Variants in CAMTA1 observed in about 807,000 individuals in gnomAD.
The protein encoded by CAMTA1 is calmodulin binding transcription activator 1, also known as calmodulin-binding transcription activator 1.
In CAMTA1, 27 loss-of-function variants were observed where a neutral mutation model predicts 170.9. The observed-to-expected ratio is 0.16, with a 90% CI of 0.12 to 0.22. The LOEUF (loss-of-function observed/expected upper bound fraction) is 0.22. Among genes scored for constraint, CAMTA1 ranks in the 10% least tolerant of loss-of-function variants. The pLI is 1.00. For missense variants in CAMTA1, 1,619 were observed against 2,217.2 expected (o/e 0.73, Z 5.42); for synonymous variants, 833 against 891.5 (o/e 0.93, Z 1.17).
intron 3 of CAMTA1, among the ~76,000 whole-genome samples, chr1:6,935,456 C>A (rs1015191698): frequency 6.6e-6 from 1 of 152,138 alleles, no homozygotes. Context: ...CTGTCTGCTC[C>A]AGTCGCGGGG....
intron 21 of CAMTA1, among the ~76,000 whole-genome samples, chr1:7,752,806 G>A (rs188429013): frequency 1.3e-4 from 20 of 152,246 alleles, no homozygotes; most frequent in Admixed American, 2.6e-4. Flanking sequence ...CAACTTAGTC[G>A]GACTAGCTTT....
intron 3 of CAMTA1, among the ~76,000 whole-genome samples, chr1:6,973,530 T>C (rs886129092): frequency 2.0e-5 from 3 of 152,252 alleles, no homozygotes; most frequent in Non-Finnish European, 2.9e-5. Context: ...CATCTGTTGG[T>C]GGACATTTAG....
At chr1:7,242,979 A>G (rs1017331071) in intron 4 of CAMTA1, among the ~76,000 whole-genome samples, 24 of 152,078 alleles carry the variant, frequency 1.6e-4, no homozygotes, top group African/African-American at 5.1e-4. Flanking sequence ...AAAAAATAAA[A>G]AAAAGAAAGA....
At chr1:7,231,350 T>TGAGAGA (rs1553280259) in intron 4 of CAMTA1, among the ~76,000 whole-genome samples, 35 of 141,188 alleles carry the variant, frequency 2.5e-4, no homozygotes, top group East Asian at 2.4e-3. Context: ...TGTGTGTGTG[T>TGAGAGA]GAGAGAGAGA....
chr1:7,243,889 T>C (rs1665318290), intron 4 of CAMTA1, among the ~76,000 whole-genome samples: 1 of 152,136 alleles, frequency 6.6e-6, no homozygotes, highest in Non-Finnish European at 1.5e-5. Flanking sequence ...AATTGACAAA[T>C]GGGATCTCAT....
chr1:7,499,649 G>C (rs1472912470), intron 6 of CAMTA1, among the ~76,000 whole-genome samples: 2 of 144,668 alleles, frequency 1.4e-5, no homozygotes, highest in African/African-American at 5.2e-5. Flanking sequence ...GTGAGTGCAT[G>C]TGTATGTGAG....
At chr1:6,951,896 T>G (rs560282565) in intron 3 of CAMTA1, among the ~76,000 whole-genome samples, 1 of 152,284 alleles carries the variant, frequency 6.6e-6, no homozygotes, top group South Asian at 2.1e-4. Context: ...AGACATGCCG[T>G]GCGAACTGTG....
At chr1:7,367,215 C>T (rs897807340) in intron 5 of CAMTA1, among the ~76,000 whole-genome samples, 1 of 152,138 alleles carries the variant, frequency 6.6e-6, no homozygotes, top group African/African-American at 2.4e-5. Flanking sequence ...CATTCATGGC[C>T]AGCTCTCTTC....
At position 7,022,133 on chromosome 1, in the gene CAMTA1, G is replaced by A. The variant is rs374475190; in HGVS notation, c.235-69171G>A. ...CACCTGGGAGTGGCTGGCAGAGAGT[G>A]TGTTGGCAATTGTTTAGCACTTACC... On this transcript the variant is annotated intron_variant, in intron 3 of 22. Coordinates refer to ENST00000303635, the MANE Select transcript of CAMTA1 (RefSeq NM_015215.4). 1.2e-3 allele frequency among the ~76,000 whole-genome samples: 184 copies of A among 152,322 alleles called. 2 individuals are homozygous for A. Among genetic ancestry groups the A allele is most frequent in the African/African-American group, 4.4e-3 (181 of 41,568 alleles).
At chr1:7,530,785 A>G (rs544655072) in intron 6 of CAMTA1, among the ~76,000 whole-genome samples, 19 of 150,912 alleles carry the variant, frequency 1.3e-4, no homozygotes, top group African/African-American at 4.6e-4. Context: ...TTAATTTACT[A>G]AAGTATGTCC....
At chr1:7,001,253 G>A (rs1698169696) in intron 3 of CAMTA1, among the ~76,000 whole-genome samples, 3 of 152,168 alleles carry the variant, frequency 2.0e-5, no homozygotes, top group African/African-American at 7.2e-5. Context: ...ATAGGAGTTT[G>A]TCTTTGTGTT....
At chr1:7,128,897 G>T (rs1645088883) in intron 4 of CAMTA1, among the ~76,000 whole-genome samples, 2 of 142,908 alleles carry the variant, frequency 1.4e-5, no homozygotes, top group African/African-American at 5.2e-5. Flanking sequence ...CTGAAGTGCA[G>T]TGGTTCGATC....
chr1:7,438,364 A>T (rs1416720581), intron 5 of CAMTA1, among the ~76,000 whole-genome samples: 1 of 152,156 alleles, frequency 6.6e-6, no homozygotes, highest in Non-Finnish European at 1.5e-5. Context: ...AAATCCTTTG[A>T]GAAGAAGCCA....
At chr1:6,812,359 C>G (rs1645274401) in intron 1 of CAMTA1, among the ~76,000 whole-genome samples, 1 of 152,082 alleles carries the variant, frequency 6.6e-6, no homozygotes, top group South Asian at 2.1e-4. Context: ...GCTTTGCTAC[C>G]TTTTAGGATC....
chr1:6,975,045 C>T (rs906508546), intron 3 of CAMTA1, among the ~76,000 whole-genome samples: 1 of 152,164 alleles, frequency 6.6e-6, no homozygotes, highest in Non-Finnish European at 1.5e-5. Flanking sequence ...ACCCTGCCAC[C>T]CATGGTCCTT....
At chr1:7,328,343 T>C (rs952140632) in intron 5 of CAMTA1, among the ~76,000 whole-genome samples, 1 of 95,816 alleles carries the variant, frequency 1.0e-5, no homozygotes. Flanking sequence ...AAAAAAAAAT[T>C]CTTTTGCTCC....
chr1:7,012,184 G>A (rs906518048), intron 3 of CAMTA1, among the ~76,000 whole-genome samples: 22 of 152,264 alleles, frequency 1.4e-4, no homozygotes, highest in African/African-American at 4.8e-4. Flanking sequence ...CCGGTCAGGT[G>A]CTGGTGGTCC....
chr1:7,108,840 TCCAGGACAACTTAG>T (rs1054376214), intron 4 of CAMTA1, among the ~76,000 whole-genome samples: 6 of 152,354 alleles, frequency 3.9e-5, no homozygotes, highest in African/African-American at 1.4e-4. Context: ...CAGTCAGGAA[TCCAGGACAACTTAG>T]CCAGGTCTCA....
chr1:7,733,193 C>A (rs1220997140), intron 12 of CAMTA1, among the ~76,000 whole-genome samples: 6 of 151,870 alleles, frequency 4.0e-5, no homozygotes, highest in Non-Finnish European at 8.8e-5. Flanking sequence ...CAGAATAAGA[C>A]CCTGTCTCAA....
Sources: allele counts gnomAD v4.1 joint callset (sites outside exome capture counted in the v4.1 genomes callset), GRCh38; gene constraint gnomAD v4.1.1; transcripts MANE v1.5; gene names NCBI Gene and HGNC (gene_info 2026-07-23, HGNC 2026-07-21).